The following SORCS1 variants were observed in gnomAD, a reference collection of about 807,000 sequenced individuals.
The protein encoded by SORCS1 is sortilin related VPS10 domain containing receptor 1.
Under a neutral mutation model 146.1 loss-of-function variants are expected in SORCS1, and 60 were observed. The observed-to-expected ratio is 0.41, with a 90% CI of 0.33 to 0.51. The LOEUF is 0.51. Ranked by LOEUF, SORCS1 falls within the 20% of genes least tolerant of loss-of-function variation. The pLI, the probability that SORCS1 is intolerant of heterozygous loss-of-function variation, is 0.21. For missense variants in SORCS1, 1,352 were observed against 1,487.6 expected (o/e 0.91, Z 1.50); for synonymous variants, 637 against 584.0 (o/e 1.09, Z -1.31).
chr10:106,585,280 G>A (rs1463129767), intron 24 of SORCS1, among the ~76,000 whole-genome samples: 1 of 151,746 alleles, frequency 6.6e-6, no homozygotes, highest in African/African-American at 2.4e-5. Context: ...CCATATATGT[G>A]ACAAGGTACC....
rs774435318 is a variant in SORCS1 at position 106,829,585 on chromosome 10, TG to T, written c.714del (p.Asn239ThrfsTer5). 1 of 1,592,982 alleles carries T rather than the reference TG, an allele frequency of 6.3e-7. No homozygotes were observed. The highest frequency in any genetic ancestry group is 1.1e-5 in the South Asian group (1 of 89,502). On this transcript the variant is annotated frameshift_variant, in exon 3 of 26. Transcript: ENST00000263054. LOFTEE classifies it high-confidence loss of function. ...TILSYLYVCP[T>X]NKRKIMLLTD... ...TATACATTTCTTACCTTACGCTTGT[TG>T]GTAGGACACACATAGAGATAGCTCA...
At chr10:106,863,766 A>G (rs919432419) in intron 2 of SORCS1, among the ~76,000 whole-genome samples, 1 of 151,722 alleles carries the variant, frequency 6.6e-6, no homozygotes, top group African/African-American at 2.4e-5. Flanking sequence ...ACATTTGCCC[A>G]CAAGTCCCAA....
intron 2 of SORCS1, among the ~76,000 whole-genome samples, chr10:106,889,839 C>T (rs1280653556): frequency 2.1e-5 from 3 of 146,320 alleles, no homozygotes; most frequent in Non-Finnish European, 4.5e-5. Flanking sequence ...GAGCCGAGAT[C>T]GCGCCACTGT....
chr10:107,075,581 A>T (rs1278128088), intron 1 of SORCS1, among the ~76,000 whole-genome samples: 2 of 152,160 alleles, frequency 1.3e-5, no homozygotes, highest in Non-Finnish European at 2.9e-5. Context: ...ACAAACACAG[A>T]AATGTATCTT....
At chr10:106,699,104 G>C in intron 9 of SORCS1, 110 bp downstream of exon 9, 3 of 900,342 alleles carry the variant, frequency 3.3e-6, no homozygotes, top group Non-Finnish European at 4.8e-6. Flanking sequence ...AGAGAAATGA[G>C]GCCACATAAG....
chr10:106,979,691 C>T (rs1304703101), intron 1 of SORCS1, among the ~76,000 whole-genome samples: 3 of 152,122 alleles, frequency 2.0e-5, no homozygotes, highest in Non-Finnish European at 4.4e-5. Context: ...AGGATATGGG[C>T]TCTCCATTCA....
intron 3 of SORCS1, among the ~76,000 whole-genome samples, chr10:106,778,669 C>A (rs903535412): frequency 2.6e-5 from 4 of 152,190 alleles, no homozygotes; most frequent in Admixed American, 2.6e-4. Context: ...TCACAATTAA[C>A]AATAATGTAA....
At chr10:106,934,006 A>G (rs1471842226) in intron 2 of SORCS1, among the ~76,000 whole-genome samples, 2 of 151,482 alleles carry the variant, frequency 1.3e-5, no homozygotes, top group Non-Finnish European at 2.9e-5. Flanking sequence ...AGGCAGAAGA[A>G]TCACTTGAAC....
intron 21 of SORCS1, among the ~76,000 whole-genome samples, chr10:106,617,768 T>C (rs1177319268): frequency 2.0e-5 from 3 of 151,102 alleles, no homozygotes; most frequent in Non-Finnish European, 4.4e-5. Context: ...ATTTCCCTTA[T>C]TAGTCAAGAA....
chr10:106,958,912 C>T (rs1181540067), intron 1 of SORCS1, among the ~76,000 whole-genome samples: 1 of 152,014 alleles, frequency 6.6e-6, no homozygotes. Flanking sequence ...ACAATTTTGC[C>T]GAATAAGCCT....
intron 2 of SORCS1, among the ~76,000 whole-genome samples, chr10:106,889,242 A>G (rs1477210439): frequency 6.6e-6 from 1 of 152,128 alleles, no homozygotes; most frequent in African/African-American, 2.4e-5. Context: ...TTAGTGCCGT[A>G]ATGGACATAC....
intron 1 of SORCS1, among the ~76,000 whole-genome samples, chr10:107,024,859 C>G (rs1958327034): frequency 6.6e-6 from 1 of 152,070 alleles, no homozygotes; most frequent in South Asian, 2.1e-4. Flanking sequence ...TTTACTGCAC[C>G]TAAAATATAG....
chr10:107,169,605 C>G (rs1044209089), upstream of SORCS1, among the ~76,000 whole-genome samples: 1 of 152,134 alleles, frequency 6.6e-6, no homozygotes, highest in African/African-American at 2.4e-5. Flanking sequence ...GATTTGTGTA[C>G]CCTCTGTCTC....
At chr10:106,699,431 G>A in intron 8 of SORCS1, 38 bp from the exon 9 acceptor site, 1 of 1,551,176 alleles carries the variant, frequency 6.4e-7, no homozygotes, top group Non-Finnish European at 8.7e-7. Flanking sequence ...GGGAAAAAGA[G>A]TTTTATACAT....
intron 1 of SORCS1, among the ~76,000 whole-genome samples, chr10:107,043,554 A>G (rs574065995): frequency 1.8e-4 from 28 of 152,274 alleles, no homozygotes; most frequent in Non-Finnish European, 3.8e-4. Context: ...CAAGTTAACG[A>G]GTCTTGGTAC....
chr10:106,949,041 C>T (rs927224595), intron 2 of SORCS1, among the ~76,000 whole-genome samples: 1 of 152,066 alleles, frequency 6.6e-6, no homozygotes, highest in Non-Finnish European at 1.5e-5. Flanking sequence ...ATGGGAGTTA[C>T]AAAACACAAA....
intron 5 of SORCS1, among the ~76,000 whole-genome samples, chr10:106,746,257 A>C (rs1401730913): frequency 6.6e-6 from 1 of 152,214 alleles, no homozygotes; most frequent in Non-Finnish European, 1.5e-5. Flanking sequence ...TAAACATTGC[A>C]CCATGGTAAT....
At chr10:106,658,553 T>A (rs1029478450) in intron 17 of SORCS1, among the ~76,000 whole-genome samples, 10 of 152,180 alleles carry the variant, frequency 6.6e-5, no homozygotes, top group Middle Eastern at 3.2e-3. Flanking sequence ...GGGAAAATAC[T>A]GCCTTGTTAC....
At chr10:107,015,424 G>T (rs1279505339) in intron 1 of SORCS1, among the ~76,000 whole-genome samples, 3 of 152,180 alleles carry the variant, frequency 2.0e-5, no homozygotes, top group African/African-American at 7.2e-5. Flanking sequence ...TTTGAGCAAA[G>T]AGTTGACAGA....
Sources: allele counts gnomAD v4.1 joint callset (sites outside exome capture counted in the v4.1 genomes callset), GRCh38; gene constraint gnomAD v4.1.1; transcripts MANE v1.5; gene names NCBI Gene and HGNC (gene_info 2026-07-23, HGNC 2026-07-21).